The following LASP1 variants were observed in gnomAD, a reference collection of about 807,000 sequenced individuals.
The protein encoded by LASP1 is LIM and SH3 domain protein 1.
LASP1 carries 10 observed loss-of-function variants against 38.6 expected under a neutral mutation model. The ratio of observed to expected loss-of-function variants is 0.26; its 90% CI spans 0.16 to 0.44. LASP1 has a LOEUF of 0.44. Ranked by LOEUF, LASP1 falls within the 20% of genes least tolerant of loss-of-function variation. The pLI is 1.00. For synonymous variants in LASP1, 132 were observed against 140.8 expected (o/e 0.94, Z 0.44); for missense variants, 243 against 375.7 (o/e 0.65, Z 2.92).
intron 4 of LASP1, among the ~76,000 whole-genome samples, chr17:38,914,002 G>GAAA (rs34463489): frequency 3.3e-5 from 4 of 119,622 alleles, no homozygotes; most frequent in Non-Finnish European, 5.3e-5. Context: ...ACTCCGTCTC[G>GAAA]AAAAAAAAAA....
intron 2 of LASP1, among the ~76,000 whole-genome samples, chr17:38,889,542 C>T (rs1043912891): frequency 3.9e-5 from 6 of 152,122 alleles, no homozygotes; most frequent in Non-Finnish European, 5.9e-5. Flanking sequence ...GGGAAAATTC[C>T]ACACCTGGCC....
rs1914182856 is a variant in LASP1, at chr17:38,887,704, ATTTGCCAAGGT to A, written c.165-2715_165-2705del. Among the ~76,000 whole-genome samples, 3 of 152,186 alleles carry A rather than the reference ATTTGCCAAGGT, an allele frequency of 2.0e-5. No homozygotes were observed. The South Asian group carries it at 6.2e-4, about 31-fold the overall frequency. On this transcript the variant is annotated intron_variant, in intron 2 of 6. Transcript: ENST00000318008. ...GTGAAACTGGCCCAAGGGAAAAAGG[ATTTGCCAAGGT>A]CACCCAGTAAGTCAGTGGCAGGGCC...
At chr17:38,881,456 G>C (rs1913947908) in intron 2 of LASP1, among the ~76,000 whole-genome samples, 1 of 152,106 alleles carries the variant, frequency 6.6e-6, no homozygotes, top group Non-Finnish European at 1.5e-5. Context: ...GTTTTTTGTA[G>C]AGAGGAGGGC....
At position 38,919,877 on chromosome 17, in the gene LASP1, TGTGA is replaced by T. The variant is rs1001087571; in HGVS notation, c.*1103_*1106del. On this transcript the variant is annotated 3_prime_UTR_variant, in exon 7 of 7. Transcript: ENST00000318008. ...GGTGTCTGACACGCAAGTGTGTGAG[TGTGA>T]GTGTGAGAGATGGGGCGGGGGTGTG... 17 of 483,314 alleles carry T rather than the reference TGTGA, an allele frequency of 3.5e-5. No homozygotes were observed. The highest frequency in any genetic ancestry group is 1.3e-4 in the African/African-American group (7 of 52,624). The allele number at this position is 483,314 out of a possible 1,614,324, so 29.9% of individuals were successfully genotyped here. A position where few individuals can be genotyped will look rare whatever the true frequency, so the allele number is the denominator to read the frequency against.
chr17:38,894,988 T>G (rs1167690785), intron 3 of LASP1, among the ~76,000 whole-genome samples: 1 of 152,114 alleles, frequency 6.6e-6, no homozygotes, highest in African/African-American at 2.4e-5. Context: ...TCTGCCCACC[T>G]CAGCCTCCCA....
intron 5 of LASP1, 94 bp from the exon 6 acceptor site, chr17:38,914,949 G>A: frequency 1.8e-6 from 2 of 1,117,774 alleles, no homozygotes; most frequent in Non-Finnish European, 2.7e-6. Flanking sequence ...GTTGGGGGCG[G>A]GGTGGAAGTG....
At chr17:38,887,177 C>G (rs1000374446) in intron 2 of LASP1, among the ~76,000 whole-genome samples, 1 of 152,194 alleles carries the variant, frequency 6.6e-6, no homozygotes, top group Non-Finnish European at 1.5e-5. Flanking sequence ...ATTGAGTCTT[C>G]GAGTGCTGGG....
In LASP1 at chr17:38,918,430, C is replaced by G. The variant is rs1476015731; in HGVS notation, c.613-175C>G. Among the ~76,000 whole-genome samples, 1 of 152,206 alleles carries G rather than the reference C, an allele frequency of 6.6e-6. No individual in the cohort carries two copies. Among genetic ancestry groups the G allele is most frequent in the Admixed American group, 6.5e-5 (1 of 15,284 alleles). On this transcript the variant is annotated intron_variant, in intron 6 of 6. Transcript: ENST00000318008. This position sits in a 1 kb window ranked among gnomAD's most constrained non-coding sequence, Gnocchi z 4.4. ...GCCAAAGGTTGTAAAAGATCGATTG[C>G]TCTCAGAAAGCAAGACACAGAGGTT...
At position 38,921,541 on chromosome 17, in the gene LASP1, C is replaced by T. The variant is rs1256233440; in HGVS notation, c.*2763C>T. On this transcript the variant is annotated 3_prime_UTR_variant, in exon 7 of 7. Transcript: ENST00000318008. The stretch of plus-strand genomic sequence containing the variant: ...ATGACCACGTGAAATTTGCCTCTGT[C>T]CAAACATTTCATCCGTGTGTATGTG... 1.3e-5 allele frequency: 3 copies of T among 232,984 alleles called. No homozygotes were observed. The highest frequency in any genetic ancestry group is 2.2e-5 in the African/African-American group (1 of 45,274). 14.4% of individuals were successfully genotyped at this position (232,984 alleles called of 1,614,324 possible). A position where few individuals can be genotyped will look rare whatever the true frequency, so the allele number is the denominator to read the frequency against.
At position 38,918,715 on chromosome 17, in the gene LASP1, C is replaced by T. The variant is rs374016458; in HGVS notation, c.723C>T (p.Tyr241=). Reference sequence around the variant, plus strand: ...AGCAGATCGACGACGGCTGGATGTACGGGACGGTGGAGCGCACCGGCGACA... The same window carrying T: ...AGCAGATCGACGACGGCTGGATGTATGGGACGGTGGAGCGCACCGGCGACA... ...NVQQIDDGWM[Y]GTVERTGDTG... is the part of the protein sequence containing the mutation. Residue 241 remains tyrosine, a synonymous_variant, in exon 7 of 7, where the codon TAC becomes TAT. Coordinates refer to ENST00000318008, the MANE Select transcript of LASP1 (RefSeq NM_006148.4). The surrounding 1 kb of genome is among the most constrained non-coding windows in gnomAD (Gnocchi z 4.4). 1.3e-5 allele frequency: 21 copies of T among 1,614,172 alleles called. No individual in the cohort carries two copies. The East Asian group carries it at 3.8e-4, about 29-fold the overall frequency.
intron 6 of LASP1, among the ~76,000 whole-genome samples, chr17:38,917,458 T>C (rs1915165478): frequency 6.6e-6 from 1 of 152,052 alleles, no homozygotes. Flanking sequence ...CGCTGTAGGT[T>C]TTTGTGTGCC....
At chr17:38,906,913 G>T (rs1278991148) in intron 4 of LASP1, among the ~76,000 whole-genome samples, 1 of 152,136 alleles carries the variant, frequency 6.6e-6, no homozygotes, top group South Asian at 2.1e-4. Flanking sequence ...GTCCACAGAG[G>T]CCCAGGACAG....
chr17:38,877,693 C>T (rs1179647788), intron 1 of LASP1, among the ~76,000 whole-genome samples: 3 of 152,136 alleles, frequency 2.0e-5, no homozygotes, highest in Admixed American at 6.5e-5. Context: ...TCATGTTCAG[C>T]GGCTGCTCCC....
intron 1 of LASP1, among the ~76,000 whole-genome samples, chr17:38,873,734 C>T (rs1022811616): frequency 6.6e-6 from 1 of 152,172 alleles, no homozygotes; most frequent in African/African-American, 2.4e-5. Context: ...GTCAGGTGGC[C>T]AACCAAGCTA....
chr17:38,901,981 A>G (rs1335505493), intron 4 of LASP1, among the ~76,000 whole-genome samples: 1 of 151,936 alleles, frequency 6.6e-6, no homozygotes, highest in African/African-American at 2.4e-5. Flanking sequence ...GTTAGCCAGG[A>G]TGATCTTGAT....
chr17:38,888,853 G>A (rs1051802192), intron 2 of LASP1, among the ~76,000 whole-genome samples: 2 of 148,734 alleles, frequency 1.3e-5, no homozygotes, highest in Non-Finnish European at 1.5e-5. Flanking sequence ...CCGTGGCTTC[G>A]GCTGCCTCCA....
At chr17:38,888,648 G>A (rs1268607845) in intron 2 of LASP1, among the ~76,000 whole-genome samples, 2 of 152,218 alleles carry the variant, frequency 1.3e-5, no homozygotes, top group Non-Finnish European at 2.9e-5. Flanking sequence ...ATAAATCAAT[G>A]AACAAAAGAG....
chr17:38,889,065 C>T (rs572158339), intron 2 of LASP1, among the ~76,000 whole-genome samples: 3 of 152,310 alleles, frequency 2.0e-5, no homozygotes, highest in East Asian at 1.9e-4. Context: ...TGTGAGAATT[C>T]GGTGAACTAG....
At position 38,900,144 on chromosome 17, in the gene LASP1, C is replaced by T. The variant is rs186627605; in HGVS notation, c.357+1625C>T. On this transcript the variant is annotated intron_variant, in intron 4 of 6. Transcript: ENST00000318008. ...TTGGGAGACTGAGGTGGGAGGATTG[C>T]TTGAGCCCAGGAGTTTGAGACTAGC... Among the ~76,000 whole-genome samples the T allele has an allele frequency of 1.8e-3, 239 of 131,978 alleles. 4 individuals carry two copies. Among genetic ancestry groups the T allele is most frequent in the Admixed American group, 0.013 (144 of 10,816 alleles). The allele number at this position is 131,978 out of a possible 152,430, so 86.6% of individuals were successfully genotyped here.
Sources: gnomAD v4.1 joint callset for allele counts (sites outside exome capture counted in the v4.1 genomes callset) on GRCh38, gnomAD v4.1.1 for gene constraint, Gnocchi (gnomAD v3.1) non-coding constraint, MANE v1.5 for transcripts, NCBI Gene and HGNC (gene_info 2026-07-23, HGNC 2026-07-21) for gene names.